Variants in ARL13B observed in about 807,000 individuals in gnomAD.
ARL13B encodes the protein ARF like GTPase 13B.
In ARL13B, 36 loss-of-function variants were observed where a neutral mutation model predicts 56.1. The observed-to-expected ratio is 0.64, with a 90% CI of 0.49 to 0.85. The LOEUF (loss-of-function observed/expected upper bound fraction) is 0.85. Ranked by LOEUF, ARL13B falls within the 40% of genes least tolerant of loss-of-function variation. ARL13B has a pLI of 0.00. For missense variants in ARL13B, 519 were observed against 507.1 expected (o/e 1.02, Z -0.23); for synonymous variants, 178 against 171.1 (o/e 1.04, Z -0.32).
intron 3 of ARL13B, chr3:94,015,121 T>G: frequency 6.2e-7 from 1 of 1,613,984 alleles, no homozygotes; most frequent in South Asian, 1.1e-5. Flanking sequence ...TTCATGTAGG[T>G]GTCTCTCAGC....
intron 2 of ARL13B, among the ~76,000 whole-genome samples, chr3:94,002,118 A>G: frequency 6.6e-6 from 1 of 152,190 alleles, no homozygotes; most frequent in Non-Finnish European, 1.5e-5. Context: ...TCTTTGTAAT[A>G]GCAAATGTTT....
At chr3:94,010,652 T>C (rs573980273) in intron 3 of ARL13B, among the ~76,000 whole-genome samples, 2 of 152,040 alleles carry the variant, frequency 1.3e-5, no homozygotes, top group Non-Finnish European at 2.9e-5. Context: ...AGTTATCATG[T>C]TATCTGTTTT....
chr3:94,030,596 C>T (rs932762110), intron 3 of ARL13B, among the ~76,000 whole-genome samples: 7 of 151,918 alleles, frequency 4.6e-5, no homozygotes, highest in South Asian at 2.1e-4. Context: ...AATGCAAAAG[C>T]ACCTAGAAAG....
chr3:93,988,508 T>A (rs1035788883), intron 1 of ARL13B: 1 of 244,852 alleles, frequency 4.1e-6, no homozygotes, highest in Admixed American at 5.0e-5. Flanking sequence ...GAGGTGGGAG[T>A]TCCTGCTACT....
chr3:94,054,403 G>T lies in ARL13B; in HGVS notation c.*1140G>T. The T allele has an allele frequency of 2.5e-6, 1 of 393,852 alleles. No homozygotes were observed. The highest frequency in any genetic ancestry group is 1.9e-5 in the South Asian group (1 of 52,254). The allele number at this position is 393,852 out of a possible 1,614,324, so 24.4% of individuals were successfully genotyped here. On this transcript the variant is annotated 3_prime_UTR_variant, in exon 10 of 10. Transcript: ENST00000394222. ...TTGCACTTAAGAATGGCATCCATAA[G>T]ATTCTGTATTTGGCATTTAGACTAA... is the stretch of plus-strand genomic sequence containing the variant.
At chr3:94,045,980 A>G (rs2076977527) in intron 7 of ARL13B, among the ~76,000 whole-genome samples, 1 of 149,794 alleles carries the variant, frequency 6.7e-6, no homozygotes, top group Admixed American at 6.7e-5. Flanking sequence ...AAAAAAAAAG[A>G]CATACTATAA....
chr3:94,035,695 A>G (rs957671795), intron 4 of ARL13B, among the ~76,000 whole-genome samples: 1 of 152,230 alleles, frequency 6.6e-6, no homozygotes, highest in Non-Finnish European at 1.5e-5. Context: ...CATAGCCAAC[A>G]CATCATGGCA....
intron 6 of ARL13B, among the ~76,000 whole-genome samples, chr3:94,040,861 A>G (rs1257878884): frequency 6.6e-6 from 1 of 152,178 alleles, no homozygotes; most frequent in African/African-American, 2.4e-5. Flanking sequence ...ATTATTTTAT[A>G]GTACCATGGG....
chr3:94,018,369 T>C (rs1424402673), intron 3 of ARL13B, among the ~76,000 whole-genome samples: 1 of 152,172 alleles, frequency 6.6e-6, no homozygotes, highest in African/African-American at 2.4e-5. Flanking sequence ...TTTTAACCCA[T>C]CAGCACTTAA....
chr3:94,015,803 A>C (rs949836907), intron 3 of ARL13B, among the ~76,000 whole-genome samples: 1 of 152,130 alleles, frequency 6.6e-6, no homozygotes, highest in African/African-American at 2.4e-5. Flanking sequence ...TATTGAATTT[A>C]TTTTAAATTT....
chr3:94,033,382 ATT>A (rs112776835), intron 3 of ARL13B, among the ~76,000 whole-genome samples: 6 of 148,400 alleles, frequency 4.0e-5, no homozygotes, highest in African/African-American at 1.5e-4. Flanking sequence ...AATTTATAGG[ATT>A]TTTTTTTTTT....
intron 6 of ARL13B, 54 bp from the exon 7 acceptor site, chr3:94,042,961 A>C (rs2076887528): frequency 7.0e-7 from 1 of 1,437,310 alleles, no homozygotes; most frequent in Non-Finnish European, 9.5e-7. Context: ...CTCCCTTAAA[A>C]CTATCTTAGA....
chr3:94,019,496 A>C (rs1355274062), intron 3 of ARL13B, among the ~76,000 whole-genome samples: 1 of 152,096 alleles, frequency 6.6e-6, no homozygotes, highest in East Asian at 1.9e-4. Flanking sequence ...CAACTGGTCA[A>C]GTCCCTGTTA....
In ARL13B at chr3:94,035,374, G is replaced by C. The variant is rs1375967154; in HGVS notation, c.424G>C (p.Asp142His). 6.2e-7 allele frequency: 1 copy of C among 1,609,790 alleles called. No individual in the cohort carries two copies. Among genetic ancestry groups the C allele is most frequent in the Non-Finnish European group, 8.5e-7 (1 of 1,178,934 alleles). Reference protein sequence around the residue: ...QDKEGALGEADVIECLSLEKL... With the variant: ...QDKEGALGEAHVIECLSLEKL... Reference sequence around the variant, plus strand: ...TAAAGAAGGAGCTTTAGGAGAAGCTGATGTCATTGAATGTCTATCTCTGGA... The same window carrying C: ...TAAAGAAGGAGCTTTAGGAGAAGCTCATGTCATTGAATGTCTATCTCTGGA... Residue 142 changes from aspartate (D) to histidine (H), a missense_variant, in exon 4 of 10, where the codon GAT becomes CAT. Physicochemically the swap from Asp to His is moderately conservative, Grantham distance 81 (BLOSUM62 -1). Coordinates refer to ENST00000394222, the MANE Select transcript of ARL13B (RefSeq NM_001174150.2).
chr3:94,044,576 GCA>G (rs2076944021), intron 7 of ARL13B, among the ~76,000 whole-genome samples: 1 of 100,486 alleles, frequency 1.0e-5, no homozygotes, highest in African/African-American at 3.9e-5. Context: ...GGCCGCCACC[GCA>G]TCTGGGAGGT....
chr3:94,050,621 A>T (rs1183305262), intron 8 of ARL13B, among the ~76,000 whole-genome samples: 1 of 152,210 alleles, frequency 6.6e-6, no homozygotes, highest in Non-Finnish European at 1.5e-5. Flanking sequence ...CTGAAAAGTT[A>T]AAGCAGATGT....
intron 3 of ARL13B, among the ~76,000 whole-genome samples, chr3:94,023,020 C>A (rs1405028437): frequency 2.6e-5 from 4 of 151,630 alleles, no homozygotes; most frequent in African/African-American, 9.7e-5. Flanking sequence ...TCTAATGTAA[C>A]CTGATTGTGT....
At chr3:94,047,837 ATTTG>A (rs1317366485) in intron 7 of ARL13B, 3 of 152,140 alleles carry the variant, frequency 2.0e-5, no homozygotes, top group Non-Finnish European at 4.4e-5. Context: ...ACAAAGACCT[ATTTG>A]TTTTTATATG....
intron 1 of ARL13B, among the ~76,000 whole-genome samples, chr3:93,987,191 C>A (rs1190181806): frequency 2.6e-5 from 4 of 151,440 alleles, no homozygotes; most frequent in African/African-American, 9.7e-5. Flanking sequence ...CAGGATCTCA[C>A]CATATTGCCC....
Sources: gnomAD v4.1 joint callset for allele counts (sites outside exome capture counted in the v4.1 genomes callset) on GRCh38, gnomAD v4.1.1 for gene constraint, MANE v1.5 for transcripts, NCBI Gene and HGNC (gene_info 2026-07-23, HGNC 2026-07-21) for gene names.